BCAS3: variants seen among roughly 807,000 people sequenced by gnomAD.
BCAS3 encodes BCAS4/BCAS3 fusion.
Under a neutral mutation model 116.1 loss-of-function variants are expected in BCAS3, and 53 were observed. The observed-to-expected ratio is 0.46, with a 90% confidence interval of 0.37 to 0.57. BCAS3 has a LOEUF of 0.57. Ranked by LOEUF, BCAS3 falls within the 20% of genes least tolerant of loss-of-function variation. BCAS3 has a pLI of 0.00. For missense variants in BCAS3, 917 were observed against 1,165.4 expected (o/e 0.79, Z 3.10); for synonymous variants, 391 against 408.2 (o/e 0.96, Z 0.51).
intron 5 of BCAS3, among the ~76,000 whole-genome samples, chr17:60,744,598 T>G (rs1362336702): frequency 6.6e-6 from 1 of 152,208 alleles, no homozygotes; most frequent in Non-Finnish European, 1.5e-5. Flanking sequence ...TCACATAGGA[T>G]AGTTTAGAAT....
chr17:61,036,803 G>A (rs1210335247), intron 17 of BCAS3, among the ~76,000 whole-genome samples: 1 of 152,164 alleles, frequency 6.6e-6, no homozygotes, highest in East Asian at 1.9e-4. Flanking sequence ...ACTTCTCAAA[G>A]TATGGCTGAT....
chr17:60,764,661 A>G (rs2043902623), intron 6 of BCAS3, among the ~76,000 whole-genome samples: 1 of 152,204 alleles, frequency 6.6e-6, no homozygotes, highest in East Asian at 1.9e-4. Flanking sequence ...GCTGAGAACA[A>G]TGTACATTCT....
rs1436017549 is a variant in BCAS3, at chr17:61,208,106, AT to A, written c.2425+123543del. On this transcript the variant is annotated intron_variant, in intron 22 of 23. Coordinates refer to ENST00000407086, the MANE Select transcript of BCAS3 (RefSeq NM_017679.5). The surrounding 1 kb of genome is among the most constrained non-coding windows in gnomAD (Gnocchi z 4.5). ...TATTTAATATTTTAGAAAGTGGCTT[AT>A]AAAAAATTTATTGATTTCTACTTAG... Among the ~76,000 whole-genome samples the A allele has an allele frequency of 1.3e-5, 2 of 152,360 alleles. No homozygotes were observed. Among genetic ancestry groups the A allele is most frequent in the Admixed American group, 6.5e-5 (1 of 15,306 alleles).
At chr17:60,982,816 A>C (rs1430019009) in intron 14 of BCAS3, among the ~76,000 whole-genome samples, 1 of 152,204 alleles carries the variant, frequency 6.6e-6, no homozygotes, top group Non-Finnish European at 1.5e-5. Flanking sequence ...TCTTGTCTTC[A>C]AGGCCTAAAA....
At chr17:61,292,821 A>G (rs2052560272) in intron 22 of BCAS3, among the ~76,000 whole-genome samples, 1 of 152,196 alleles carries the variant, frequency 6.6e-6, no homozygotes, top group Non-Finnish European at 1.5e-5. Flanking sequence ...ATGTCATGCA[A>G]GTAACGAAGT....
At chr17:60,686,303 T>C (rs1343035856) in intron 3 of BCAS3, among the ~76,000 whole-genome samples, 1 of 152,196 alleles carries the variant, frequency 6.6e-6, no homozygotes, top group Admixed American at 6.5e-5. Flanking sequence ...TCTGCCAATA[T>C]TGTGTTCTAC....
chr17:61,329,435 A>G (rs184270493), intron 22 of BCAS3, among the ~76,000 whole-genome samples: 3,468 of 147,296 alleles, frequency 0.024, 135 homozygotes, highest in African/African-American at 0.081. Context: ...CCGCCTCCCG[A>G]GTTCACGCCA....
chr17:61,264,905 A>G (rs148937179), intron 22 of BCAS3, among the ~76,000 whole-genome samples: 64 of 152,340 alleles, frequency 4.2e-4, no homozygotes, highest in Non-Finnish European at 4.4e-5. Flanking sequence ...GCCATTAATT[A>G]TGGTCAGGTT....
chr17:61,297,470 C>G (rs2053032741), intron 22 of BCAS3, among the ~76,000 whole-genome samples: 1 of 152,126 alleles, frequency 6.6e-6, no homozygotes. Context: ...CACGTGAAAA[C>G]TCTCAGCATC....
chr17:61,268,936 G>A (rs1026803370), intron 22 of BCAS3, among the ~76,000 whole-genome samples: 2 of 151,888 alleles, frequency 1.3e-5, no homozygotes, highest in African/African-American at 4.8e-5. Context: ...GCATATGGCA[G>A]GATTTCCTTT....
intron 22 of BCAS3, among the ~76,000 whole-genome samples, chr17:61,147,498 C>G (rs530660306): frequency 3.3e-5 from 5 of 152,198 alleles, no homozygotes; most frequent in African/African-American, 1.2e-4. Flanking sequence ...GCTGGGATTA[C>G]AGGTGTGCAC....
At position 60,850,345 on chromosome 17, in the gene BCAS3, GTTTTTTTTTTTTTTT is replaced by G. The variant is rs10573405; in HGVS notation, c.477-18216_477-18202del. Among the ~76,000 whole-genome samples, 12 of 37,730 alleles carry G rather than the reference GTTTTTTTTTTTTTTT, an allele frequency of 3.2e-4. 1 individual carries two copies. The highest frequency in any genetic ancestry group is 7.0e-4 in the African/African-American group (5 of 7,118). The allele number at this position is 37,730 out of a possible 152,430, so 24.8% of individuals were successfully genotyped here. ...CCTCCCCCTAACTCCTGGCACCACT[GTTTTTTTTTTTTTTT>G]TTTTTTTTTTTTTTGAGATGGAGTT... is the stretch of plus-strand genomic sequence containing the variant. On this transcript the variant is annotated intron_variant, in intron 7 of 23. Coordinates refer to ENST00000407086, the MANE Select transcript of BCAS3 (RefSeq NM_017679.5).
In BCAS3 at chr17:61,367,370, G is replaced by A. The variant is rs8067783; in HGVS notation, c.2426-957G>A. 0.014 allele frequency among the ~76,000 whole-genome samples: 2,206 copies of A among 152,326 alleles called. 54 individuals carry two copies. Among genetic ancestry groups the A allele is most frequent in the African/African-American group, 0.05 (2,076 of 41,564 alleles). ...TGAAATAAGCTTTCACAGAAGACTTGCTGTATAATAAAGTAGAATAATTCA... is the reference window on the plus strand; with the variant it reads ...TGAAATAAGCTTTCACAGAAGACTTACTGTATAATAAAGTAGAATAATTCA... On this transcript the variant is annotated intron_variant, in intron 22 of 23. Transcript: ENST00000407086. This position sits in a 1 kb window ranked among gnomAD's most constrained non-coding sequence, Gnocchi z 6.2.
At chr17:60,803,044 C>G (rs544017308) in intron 6 of BCAS3, among the ~76,000 whole-genome samples, 64 of 152,134 alleles carry the variant, frequency 4.2e-4, no homozygotes, top group Non-Finnish European at 9.1e-4. Context: ...AAAAGACTTA[C>G]AAGTGCCCAC....
intron 22 of BCAS3, among the ~76,000 whole-genome samples, chr17:61,334,664 C>CAAAAAAAAAAAAAAAAAA (rs35400660): frequency 2.0e-5 from 1 of 50,892 alleles, no homozygotes; most frequent in Non-Finnish European, 3.9e-5. Flanking sequence ...AACTCCATCT[C>CAAAAAAAAAAAAAAAAAA]AAAAAAAAAA....
Position 61,028,113 on chromosome 17 carries a change from A to G in BCAS3, c.1638-6553A>G, listed in dbSNP as rs1354824394. ...TATTACACTAGAAAAAAACATTCCAACGTTTTTTCCTCTTGGACAGAAAGA... is the reference window on the plus strand; with the variant it reads ...TATTACACTAGAAAAAAACATTCCAGCGTTTTTTCCTCTTGGACAGAAAGA... On this transcript the variant is annotated intron_variant, in intron 16 of 23. Coordinates refer to ENST00000407086, the MANE Select transcript of BCAS3 (RefSeq NM_017679.5). This position sits in a 1 kb window ranked among gnomAD's most constrained non-coding sequence, Gnocchi z 4.3. Among the ~76,000 whole-genome samples the G allele has an allele frequency of 1.2e-4, 18 of 151,900 alleles. No individual in the cohort carries two copies. The highest frequency in any genetic ancestry group is 2.9e-5 in the Non-Finnish European group (2 of 67,804).
chr17:60,917,083 A>G (rs1294204968), intron 12 of BCAS3, among the ~76,000 whole-genome samples: 3 of 152,114 alleles, frequency 2.0e-5, no homozygotes, highest in African/African-American at 7.3e-5. Context: ...ATTGTTTGCA[A>G]TAGCCAAAAA....
At chr17:60,918,259 T>C (rs965161802) in intron 12 of BCAS3, among the ~76,000 whole-genome samples, 3 of 152,186 alleles carry the variant, frequency 2.0e-5, no homozygotes, top group Non-Finnish European at 4.4e-5. Flanking sequence ...GGAATAGTGA[T>C]GTTAAGCCTC....
At chr17:61,269,335 G>A (rs1408715086) in intron 22 of BCAS3, among the ~76,000 whole-genome samples, 4 of 151,766 alleles carry the variant, frequency 2.6e-5, no homozygotes, top group East Asian at 1.9e-4. Context: ...GGCTGGTCTC[G>A]AACTCCCGAC....
Sources: gnomAD v4.1 joint callset for allele counts (sites outside exome capture counted in the v4.1 genomes callset) on GRCh38, gnomAD v4.1.1 for gene constraint, Gnocchi (gnomAD v3.1) non-coding constraint, MANE v1.5 for transcripts, NCBI Gene and HGNC (gene_info 2026-07-23, HGNC 2026-07-21) for gene names.